The following PTPRD variants were observed in gnomAD, a reference collection of about 807,000 sequenced individuals.
PTPRD encodes protein tyrosine phosphatase receptor type D, also known as receptor-type tyrosine-protein phosphatase delta.
Under a neutral mutation model 214.5 loss-of-function variants are expected in PTPRD, and 34 were observed. The observed-to-expected ratio is 0.16, with a 90% CI of 0.12 to 0.21. PTPRD has a LOEUF of 0.21. Ranked by LOEUF, PTPRD falls within the 10% of genes least tolerant of loss-of-function variation. PTPRD has a pLI of 1.00. For synonymous variants in PTPRD, 1,128 were observed against 845.7 expected (o/e 1.33, Z -5.79); for missense variants, 2,545 against 2,398.7 (o/e 1.06, Z -1.27).
chr9:9,316,560 G>C (rs1963248819), intron 9 of PTPRD, among the ~76,000 whole-genome samples: 1 of 152,080 alleles, frequency 6.6e-6, no homozygotes, highest in Non-Finnish European at 1.5e-5. Context: ...CACAAGACCA[G>C]TTTTTACCCT....
Position 9,357,725 on chromosome 9 carries a change from A to AC in PTPRD, c.-203+39723_-203+39724insG, listed in dbSNP as rs5896321. Among the ~76,000 whole-genome samples the AC allele has an allele frequency of 3.3e-4, 50 of 150,764 alleles. 1 individual carries two copies. The highest frequency in any genetic ancestry group is 1.0e-3 in the South Asian group (5 of 4,816). ...AATAGTTTTTAAAATAAAAAAAAAA[A>AC]ATGACACAGTTAAGAGGGCAATAGT... On this transcript the variant is annotated intron_variant, in intron 9 of 45. Coordinates refer to ENST00000381196, the MANE Select transcript of PTPRD (RefSeq NM_002839.4).
intron 39 of PTPRD, among the ~76,000 whole-genome samples, chr9:8,375,273 C>T (rs1007770565): frequency 2.6e-5 from 4 of 151,820 alleles, no homozygotes; most frequent in Non-Finnish European, 4.4e-5. Context: ...TTATATATAT[C>T]GCAATCTGAG....
At chr9:9,551,805 T>G (rs2080334365) in intron 8 of PTPRD, among the ~76,000 whole-genome samples, 1 of 151,938 alleles carries the variant, frequency 6.6e-6, no homozygotes, top group Non-Finnish European at 1.5e-5. Flanking sequence ...CCAAACCAAC[T>G]TATGTATCTG....
At chr9:9,829,436 G>C (rs2054074244) in intron 5 of PTPRD, among the ~76,000 whole-genome samples, 1 of 151,770 alleles carries the variant, frequency 6.6e-6, no homozygotes, top group Admixed American at 6.6e-5. Flanking sequence ...AATTCATTTT[G>C]TTCTGATTTT....
chr9:8,990,241 C>T (rs1373697686), intron 11 of PTPRD, among the ~76,000 whole-genome samples: 1 of 152,144 alleles, frequency 6.6e-6, no homozygotes, highest in Non-Finnish European at 1.5e-5. Flanking sequence ...GAGATTGCAA[C>T]ACACTAAAGG....
intron 8 of PTPRD, among the ~76,000 whole-genome samples, chr9:9,420,821 G>C (rs2078528196): frequency 6.6e-6 from 1 of 151,836 alleles, no homozygotes; most frequent in Admixed American, 6.6e-5. Context: ...CCAAATAGCA[G>C]TGATTTCACT....
intron 36 of PTPRD, among the ~76,000 whole-genome samples, chr9:8,392,554 A>G (rs1159316984): frequency 6.6e-6 from 1 of 152,154 alleles, no homozygotes; most frequent in Non-Finnish European, 1.5e-5. Flanking sequence ...TAATATTCTG[A>G]AAAATACGTA....
chr9:8,719,530 G>A (rs2098469954), intron 12 of PTPRD, among the ~76,000 whole-genome samples: 1 of 152,210 alleles, frequency 6.6e-6, no homozygotes, highest in African/African-American at 2.4e-5. Context: ...AGTTGCAGGT[G>A]AGTAAGGTCA....
chr9:9,756,408 C>G (rs1194116941), intron 6 of PTPRD, among the ~76,000 whole-genome samples: 2 of 152,108 alleles, frequency 1.3e-5, no homozygotes, highest in African/African-American at 4.8e-5. Context: ...TCAGTTTTAA[C>G]AATGGTTTAC....
intron 7 of PTPRD, among the ~76,000 whole-genome samples, chr9:9,686,914 G>T (rs907540626): frequency 5.9e-5 from 9 of 151,618 alleles, no homozygotes; most frequent in Non-Finnish European, 1.2e-4. Context: ...AATATGTCTG[G>T]CCTGTTGCTT....
intron 11 of PTPRD, chr9:8,860,791 C>A (rs545673162): frequency 6.6e-6 from 1 of 152,002 alleles, no homozygotes; most frequent in African/African-American, 2.4e-5. Flanking sequence ...GGTAAAGAAA[C>A]GAAGACCCTG....
At chr9:8,426,802 T>G (rs1321511994) in intron 35 of PTPRD, among the ~76,000 whole-genome samples, 13 of 151,476 alleles carry the variant, frequency 8.6e-5, no homozygotes, top group Non-Finnish European at 7.4e-5. Context: ...CTGAGGTTTT[T>G]TTTTTTTTTT....
At chr9:9,470,476 T>C (rs984509412) in intron 8 of PTPRD, among the ~76,000 whole-genome samples, 3 of 152,196 alleles carry the variant, frequency 2.0e-5, no homozygotes, top group African/African-American at 7.2e-5. Flanking sequence ...AAATACAAAG[T>C]ATTTTATTAA....
At chr9:9,425,849 G>T (rs2080674685) in intron 8 of PTPRD, among the ~76,000 whole-genome samples, 1 of 151,902 alleles carries the variant, frequency 6.6e-6, no homozygotes, top group Admixed American at 6.6e-5. Flanking sequence ...GTGTTGAGTT[G>T]ATTTTTATAT....
At chr9:10,544,489 G>A (rs1295140919) in intron 2 of PTPRD, among the ~76,000 whole-genome samples, 2 of 151,886 alleles carry the variant, frequency 1.3e-5, no homozygotes, top group African/African-American at 4.8e-5. Flanking sequence ...AAATGATAAT[G>A]TGACTTAAAT....
chr9:9,944,225 A>G (rs997034293), intron 4 of PTPRD, among the ~76,000 whole-genome samples: 5 of 152,138 alleles, frequency 3.3e-5, no homozygotes, highest in African/African-American at 9.7e-5. Flanking sequence ...GTCAATCACT[A>G]CAAAACTCCT....
intron 10 of PTPRD, among the ~76,000 whole-genome samples, chr9:9,148,046 T>A (rs1216406056): frequency 6.6e-6 from 1 of 152,184 alleles, no homozygotes; most frequent in Non-Finnish European, 1.5e-5. Context: ...AAATATAGGT[T>A]AATACGCATA....
intron 8 of PTPRD, among the ~76,000 whole-genome samples, chr9:9,420,783 A>C (rs891883318): frequency 6.6e-6 from 1 of 152,004 alleles, no homozygotes; most frequent in Admixed American, 6.6e-5. Context: ...TGATCGATTA[A>C]ATTATTAAAA....
chr9:8,460,214 A>G, intron 33 of PTPRD, 197 bp downstream of exon 33: 1 of 699,974 alleles, frequency 1.4e-6, no homozygotes, highest in Non-Finnish European at 2.4e-6. Context: ...AGTCTATACC[A>G]AAACTGAATA....
Sources: allele counts gnomAD v4.1 joint callset (sites outside exome capture counted in the v4.1 genomes callset), GRCh38; gene constraint gnomAD v4.1.1; transcripts MANE v1.5; gene names NCBI Gene and HGNC (gene_info 2026-07-23, HGNC 2026-07-21).